LTBP2: variants seen among roughly 807,000 people sequenced by gnomAD.
LTBP2 encodes latent-transforming growth factor beta-binding protein 2.
A neutral mutation model predicts 210.6 loss-of-function variants in LTBP2; 103 were observed. The observed-to-expected ratio is 0.49, with a 90% confidence interval of 0.42 to 0.58. The LOEUF is 0.58. LTBP2 is among the 20% of genes least tolerant of loss of function. The pLI, the probability that LTBP2 is intolerant of heterozygous loss-of-function variation, is 0.00. For missense variants in LTBP2, 2,313 were observed against 2,494.5 expected, an observed-to-expected ratio of 0.93 and a Z score of 1.55; for synonymous variants, 1,007 against 1,015.0, an observed-to-expected ratio of 0.99 and a Z score of 0.15.
At chr14:74,578,899 A>G (rs2088098553) in intron 3 of LTBP2, among the ~76,000 whole-genome samples, 1 of 152,224 alleles carries the variant, frequency 6.6e-6, no homozygotes, top group African/African-American at 2.4e-5. Context: ...CTTGTTGCCC[A>G]GGCTGGAGTG....
rs775720299 is a variant in LTBP2, at chr14:74,611,579, C to T, written c.366G>A (p.Arg122=). The T allele has an allele frequency of 2.5e-6, 4 of 1,576,548 alleles. No homozygotes were observed. Among genetic ancestry groups the T allele is most frequent in the Non-Finnish European group, 3.4e-6 (4 of 1,168,134 alleles). Residue 122 remains arginine, a synonymous_variant, in exon 1 of 36, where the codon CGG becomes CGA. Transcript: ENST00000261978. ...SRRVQPPAQT[R]RSTPLGQQQP... ...GCTGCTGGCCCAGGGGAGTGCTTCTCCGGGTCTGCGCAGGTGGCTGGACAC... is the reference window on the plus strand; with the variant it reads ...GCTGCTGGCCCAGGGGAGTGCTTCTTCGGGTCTGCGCAGGTGGCTGGACAC...
intron 9 of LTBP2, among the ~76,000 whole-genome samples, chr14:74,533,587 G>C (rs1007724964): frequency 6.6e-6 from 1 of 152,216 alleles, no homozygotes; most frequent in African/African-American, 2.4e-5. Flanking sequence ...GAAGGGGACA[G>C]CAGGGGTCAC....
At chr14:74,543,542 C>CTTCCTTCCTTCCCTCCCTTTTTCT (rs1185987542) in intron 8 of LTBP2, among the ~76,000 whole-genome samples, 2 of 121,956 alleles carry the variant, frequency 1.6e-5, no homozygotes, top group Admixed American at 1.6e-4. Flanking sequence ...TCCCTTTTTC[C>CTTCCTTCCTTCCCTCCCTTTTTCT]TCCCTCCCTC....
Position 74,586,246 on chromosome 14 carries a change from C to G in LTBP2, c.566-128G>C. On this transcript the variant is annotated intron_variant, in intron 2 of 35. Coordinates refer to ENST00000261978, the MANE Select transcript of LTBP2 (RefSeq NM_000428.3). This position sits in a 1 kb window ranked among gnomAD's most constrained non-coding sequence, Gnocchi z 4.6. ...TGTCGCTCAAGCAGGAAGCCACTCT[C>G]CTGGCCTCAGGGGGCTCCCTGACCC... The G allele has an allele frequency of 9.1e-7, 1 of 1,099,234 alleles. No individual in the cohort carries two copies. The highest frequency in any genetic ancestry group is 1.5e-5 in the South Asian group (1 of 65,692). The allele number at this position is 1,099,234 out of a possible 1,614,324, so 68.1% of individuals were successfully genotyped here. A position where few individuals can be genotyped will look rare whatever the true frequency, so the allele number is the denominator to read the frequency against.
intron 13 of LTBP2, 30 bp from the exon 14 acceptor site, chr14:74,526,144 G>T (rs775472817): frequency 6.9e-6 from 11 of 1,583,384 alleles, no homozygotes; most frequent in Non-Finnish European, 8.6e-6. Flanking sequence ...GGTCACTTTT[G>T]GCTCCTCTGC....
intron 8 of LTBP2, among the ~76,000 whole-genome samples, chr14:74,540,830 A>ATATTATATATATATT (rs1555350191): frequency 0.013 from 853 of 67,850 alleles, 5 homozygotes; most frequent in Non-Finnish European, 0.021. Flanking sequence ...ATTTTTATAT[A>ATATTATATATATATT]ATATATATTT....
At chr14:74,535,468 G>A (rs2139726903) in intron 9 of LTBP2, among the ~76,000 whole-genome samples, 1 of 152,316 alleles carries the variant, frequency 6.6e-6, no homozygotes, top group Non-Finnish European at 1.5e-5. Flanking sequence ...ATGGGTTGAA[G>A]CAAGCGGGAG....
chr14:74,519,703 C>T (rs2087178074), intron 17 of LTBP2, among the ~76,000 whole-genome samples: 2 of 152,128 alleles, frequency 1.3e-5, no homozygotes, highest in African/African-American at 2.4e-5. Context: ...AACCCCATCC[C>T]CGTTCCCCAG....
At chr14:74,503,884 C>T (rs1158836913) in intron 31 of LTBP2, 42 bp downstream of exon 31, 1 of 1,612,366 alleles carries the variant, frequency 6.2e-7, no homozygotes, top group Non-Finnish European at 8.5e-7. Flanking sequence ...CATTATTCAG[C>T]TGTGGGCCTG....
chr14:74,502,564 C>G, intron 34 of LTBP2, 89 bp downstream of exon 34: 1 of 1,583,294 alleles, frequency 6.3e-7, no homozygotes. Flanking sequence ...CAGTCCTCAC[C>G]CTGCTGGCAA....
At chr14:74,597,347 C>T (rs1348132205) in intron 2 of LTBP2, among the ~76,000 whole-genome samples, 1 of 152,144 alleles carries the variant, frequency 6.6e-6, no homozygotes, top group Non-Finnish European at 1.5e-5. Context: ...TTTGGAAGGT[C>T]TGGGGAAAGT....
At chr14:74,504,713 T>C (rs2086959521) in intron 30 of LTBP2, 65 bp downstream of exon 30, 2 of 1,516,604 alleles carry the variant, frequency 1.3e-6, no homozygotes, top group Middle Eastern at 2.0e-4. Context: ...CCAGGGACCC[T>C]GTGGAGGAGC....
intron 5 of LTBP2, 93 bp from the exon 6 acceptor site, chr14:74,552,486 C>G (rs1267855642): frequency 6.6e-6 from 8 of 1,213,778 alleles, no homozygotes; most frequent in Non-Finnish European, 8.3e-6. Flanking sequence ...GGCGGCAGAA[C>G]CCTGACCCTA....
At position 74,555,493 on chromosome 14, in the gene LTBP2, G is replaced by T; in HGVS notation, c.1021+10C>A. 1 of 1,613,508 alleles carries T rather than the reference G, an allele frequency of 6.2e-7. No homozygotes were observed. ...CTGCTCTTCTAGGACCCAAGACAGG[G>T]TATCCTTACCCCAGGGGGATGAGGG... On this transcript the variant is annotated intron_variant, in intron 4 of 35. Coordinates refer to ENST00000261978, the MANE Select transcript of LTBP2 (RefSeq NM_000428.3).
intron 3 of LTBP2, among the ~76,000 whole-genome samples, chr14:74,578,274 A>G (rs73297959): frequency 0.011 from 1,616 of 152,294 alleles, 37 homozygotes; most frequent in African/African-American, 0.037. Context: ...AGGTAGGCCA[A>G]GAGATTTCAG....
At chr14:74,563,522 A>C (rs1280654424) in intron 3 of LTBP2, among the ~76,000 whole-genome samples, 2 of 152,218 alleles carry the variant, frequency 1.3e-5, no homozygotes, top group African/African-American at 2.4e-5. Context: ...TAAGCTTTCC[A>C]AGATACACTG....
intron 3 of LTBP2, among the ~76,000 whole-genome samples, chr14:74,567,276 T>C (rs2087916853): frequency 1.3e-5 from 2 of 152,162 alleles, no homozygotes; most frequent in African/African-American, 4.8e-5. Context: ...AGCCCCCTCA[T>C]GTGTTGGTCC....
intron 8 of LTBP2, 99 bp from the exon 9 acceptor site, chr14:74,536,099 C>G (rs971892515): frequency 9.8e-7 from 1 of 1,022,180 alleles, no homozygotes; most frequent in African/African-American, 1.6e-5. Flanking sequence ...CCAGCCCACC[C>G]GGCAGCAGTG....
intron 8 of LTBP2, 145 bp downstream of exon 8, chr14:74,549,718 T>G (rs2087624864): frequency 1.3e-6 from 1 of 754,596 alleles, no homozygotes; most frequent in Non-Finnish European, 2.4e-6. Context: ...AGAAACACCT[T>G]CAAGGCAGGT....
Sources: allele counts gnomAD v4.1 joint callset (sites outside exome capture counted in the v4.1 genomes callset), GRCh38; gene constraint gnomAD v4.1.1; non-coding constraint Gnocchi (gnomAD v3.1); transcripts MANE v1.5; gene names NCBI Gene and HGNC (gene_info 2026-07-23, HGNC 2026-07-21).